LAMA2: variants seen among roughly 807,000 people sequenced by gnomAD.
LAMA2 encodes the protein laminin subunit alpha-2.
LAMA2 carries 269 observed loss-of-function variants against 364.8 expected under a neutral mutation model. That is an observed-to-expected ratio of 0.74 (90% confidence interval 0.67 to 0.82). LAMA2 has a LOEUF of 0.82. Among genes scored for constraint, LAMA2 ranks in the 40% least tolerant of loss-of-function variants. The pLI is 0.00. For missense variants in LAMA2, 3,807 were observed against 3,873.2 expected, an observed-to-expected ratio of 0.98 and a Z score of 0.45; for synonymous variants, 1,379 against 1,370.6, an observed-to-expected ratio of 1.01 and a Z score of -0.14.
chr6:129,473,524 CA>C (rs566684557), intron 52 of LAMA2, among the ~76,000 whole-genome samples, 172 bp downstream of exon 52: 165 of 152,070 alleles, frequency 1.1e-3, no homozygotes, highest in African/African-American at 3.8e-3. Flanking sequence ...ATTTAGAAAC[CA>C]AAGGACTAAT....
chr6:128,981,867 G>A (rs751991807), intron 1 of LAMA2, among the ~76,000 whole-genome samples: 7 of 152,088 alleles, frequency 4.6e-5, no homozygotes, highest in Admixed American at 1.3e-4. Flanking sequence ...GTCCCAGGTC[G>A]TTGACTCATT....
intron 12 of LAMA2, among the ~76,000 whole-genome samples, chr6:129,219,122 G>T (rs1783619541): frequency 6.6e-6 from 1 of 152,106 alleles, no homozygotes; most frequent in South Asian, 2.1e-4. Flanking sequence ...AAGAACCCAG[G>T]AAGTATGTGA....
chr6:128,960,967 T>G (rs1280191269), intron 1 of LAMA2, among the ~76,000 whole-genome samples: 2 of 152,012 alleles, frequency 1.3e-5, no homozygotes, highest in Non-Finnish European at 2.9e-5. Flanking sequence ...TGTCCAATAA[T>G]GTTTAGCTGA....
chr6:129,108,791 C>T (rs1479267716), intron 4 of LAMA2, among the ~76,000 whole-genome samples: 1 of 152,018 alleles, frequency 6.6e-6, no homozygotes, highest in Non-Finnish European at 1.5e-5. Context: ...GTTCCTAAGA[C>T]ATGTTATTCC....
intron 12 of LAMA2, among the ~76,000 whole-genome samples, chr6:129,221,602 A>C (rs1026315510): frequency 1.3e-5 from 2 of 152,212 alleles, no homozygotes; most frequent in Non-Finnish European, 2.9e-5. Flanking sequence ...TTAAGAATTT[A>C]AACTACAGAA....
chr6:129,290,777 G>A (rs370929001), intron 19 of LAMA2, among the ~76,000 whole-genome samples: 19 of 152,148 alleles, frequency 1.2e-4, no homozygotes, highest in Admixed American at 4.6e-4. Context: ...TTTACTCTAC[G>A]TTTTAGAATA....
intron 54 of LAMA2, 33 bp downstream of exon 54, chr6:129,478,846 T>C (rs1463381149): frequency 6.3e-7 from 1 of 1,589,380 alleles, no homozygotes. Context: ...TCTAAACACA[T>C]TTATATCAGA....
intron 2 of LAMA2, among the ~76,000 whole-genome samples, chr6:129,051,572 A>G (rs1231114002): frequency 6.7e-6 from 1 of 149,966 alleles, no homozygotes; most frequent in Non-Finnish European, 1.5e-5. Flanking sequence ...CAGCCTCCCA[A>G]TAGATATATT....
intron 2 of LAMA2, among the ~76,000 whole-genome samples, chr6:129,051,669 G>A (rs1015017736): frequency 2.8e-5 from 1 of 36,098 alleles, no homozygotes; most frequent in Non-Finnish European, 5.3e-5. Flanking sequence ...TCTATAGATC[G>A]ATCTATAGAT....
At chr6:128,943,002 A>T (rs781001818) in intron 1 of LAMA2, among the ~76,000 whole-genome samples, 9 of 152,200 alleles carry the variant, frequency 5.9e-5, no homozygotes, top group Non-Finnish European at 1.3e-4. Flanking sequence ...CATCAGTTCT[A>T]TGTGCTCTCA....
intron 32 of LAMA2, among the ~76,000 whole-genome samples, chr6:129,365,856 G>A (rs765196892): frequency 7.2e-5 from 11 of 152,044 alleles, no homozygotes; most frequent in African/African-American, 9.7e-5. Flanking sequence ...GGTTCCTTTC[G>A]ATTGCTCATG....
chr6:129,260,190 A>G (rs1028678765), intron 14 of LAMA2, among the ~76,000 whole-genome samples: 4 of 152,186 alleles, frequency 2.6e-5, no homozygotes, highest in Non-Finnish European at 5.9e-5. Flanking sequence ...AAGTCAGTCA[A>G]CTGAGCACTT....
chr6:129,417,255 T>C (rs2326803), intron 40 of LAMA2, among the ~76,000 whole-genome samples: 76,147 of 151,808 alleles, frequency 0.5, 19,650 homozygotes, highest in African/African-American at 0.62. Flanking sequence ...AGGTGCTTTA[T>C]TGAGTGACAG....
Position 129,473,901 on chromosome 6 carries a change from T to C in LAMA2, c.7439+549T>C, listed in dbSNP as rs1391538542. ...TTAGCTAGCAGTATGGGGAGACACA[T>C]TTGCTTCCTAATTTAGTTAGTTCAA... On this transcript the variant is annotated intron_variant, in intron 52 of 64. Coordinates refer to ENST00000421865, the MANE Select transcript of LAMA2 (RefSeq NM_000426.4). Among the ~76,000 whole-genome samples the C allele has an allele frequency of 2.0e-5, 3 of 152,012 alleles. No individual in the cohort carries two copies. In the East Asian group the frequency reaches 5.8e-4, roughly 29 times the overall value.
chr6:129,108,529 G>A (rs1775962659), intron 4 of LAMA2, among the ~76,000 whole-genome samples: 1 of 152,026 alleles, frequency 6.6e-6, no homozygotes, highest in South Asian at 2.1e-4. Context: ...ATTTAGAGAA[G>A]GCTTGTATTC....
At chr6:129,268,345 G>A (rs1787656503) in intron 16 of LAMA2, among the ~76,000 whole-genome samples, 2 of 151,220 alleles carry the variant, frequency 1.3e-5, no homozygotes, top group Non-Finnish European at 2.9e-5. Flanking sequence ...TGTACTTTGG[G>A]AAAAATATTG....
intron 12 of LAMA2, among the ~76,000 whole-genome samples, chr6:129,214,652 G>C (rs265364): frequency 0.93 from 141,993 of 152,272 alleles, 67,008 homozygotes; most frequent in East Asian, 1. Context: ...ACTTTTTTCT[G>C]ACCAGTACTA....
intron 12 of LAMA2, among the ~76,000 whole-genome samples, chr6:129,198,056 C>G (rs1193411302): frequency 2.0e-5 from 3 of 151,806 alleles, no homozygotes; most frequent in African/African-American, 7.3e-5. Flanking sequence ...TTAATAAAAA[C>G]TCTTGAGAAA....
chr6:128,958,677 G>A (rs13207203), intron 1 of LAMA2, among the ~76,000 whole-genome samples: 19,445 of 152,094 alleles, frequency 0.13, 1,566 homozygotes, highest in African/African-American at 0.23. Context: ...GCTCTAGGTT[G>A]TATTTTAAAG....
Sources: allele counts gnomAD v4.1 joint callset (sites outside exome capture counted in the v4.1 genomes callset), GRCh38; gene constraint gnomAD v4.1.1; transcripts MANE v1.5; gene names NCBI Gene and HGNC (gene_info 2026-07-23, HGNC 2026-07-21).